PDE1A: variants seen among roughly 807,000 people sequenced by gnomAD.
PDE1A encodes phosphodiesterase 1A.
PDE1A carries 35 observed loss-of-function variants against 61.7 expected under a neutral mutation model. The ratio of observed to expected loss-of-function variants is 0.57; its 90% CI spans 0.43 to 0.75. The LOEUF (loss-of-function observed/expected upper bound fraction) is 0.75, where lower values mean the gene tolerates loss of function less well. Ranked by LOEUF, PDE1A falls within the 30% of genes least tolerant of loss-of-function variation. The pLI is 0.00. For synonymous variants in PDE1A, 232 were observed against 213.2 expected (o/e 1.09, Z -0.77); for missense variants, 597 against 630.6 (o/e 0.95, Z 0.57).
At chr2:182,490,563 C>T (rs577483749) in intron 2 of PDE1A, among the ~76,000 whole-genome samples, 31 of 151,764 alleles carry the variant, frequency 2.0e-4, no homozygotes, top group African/African-American at 6.0e-4. Context: ...TTAGTGAAGA[C>T]GGAGTTTCAC....
intron 8 of PDE1A, among the ~76,000 whole-genome samples, chr2:182,203,167 A>T (rs1686808278): frequency 6.6e-6 from 1 of 152,108 alleles, no homozygotes; most frequent in Non-Finnish European, 1.5e-5. Flanking sequence ...TACAAAAAAA[A>T]AAATTAGCCA....
At chr2:182,289,496 T>C (rs888856232) in intron 1 of PDE1A, among the ~76,000 whole-genome samples, 1 of 152,140 alleles carries the variant, frequency 6.6e-6, no homozygotes, top group Non-Finnish European at 1.5e-5. Flanking sequence ...ATATTTTAAC[T>C]AGGGCTAGAC....
intron 2 of PDE1A, among the ~76,000 whole-genome samples, chr2:182,250,807 A>G (rs996843303): frequency 6.6e-6 from 1 of 152,166 alleles, no homozygotes; most frequent in African/African-American, 2.4e-5. Context: ...TCTCCAAGGT[A>G]AGACCTACGG....
chr2:182,195,312 T>C (rs1028496712), intron 10 of PDE1A, among the ~76,000 whole-genome samples: 1 of 152,028 alleles, frequency 6.6e-6, no homozygotes, highest in African/African-American at 2.4e-5. Flanking sequence ...CTTACTTTTG[T>C]TCTATCACTT....
At chr2:182,179,031 G>A (rs1684526658) in intron 13 of PDE1A, among the ~76,000 whole-genome samples, 1 of 151,992 alleles carries the variant, frequency 6.6e-6, no homozygotes, top group Admixed American at 6.6e-5. Context: ...AGGAAAGAGA[G>A]GTCAGAAACC....
chr2:182,536,357 ACTTT>A, the PDE1A span, among the ~76,000 whole-genome samples: 11 of 152,310 alleles, frequency 7.2e-5, no homozygotes, highest in Non-Finnish European at 1.3e-4. Context: ...ATATTATAAA[ACTTT>A]CTTTCATCTC....
the PDE1A span, among the ~76,000 whole-genome samples, chr2:182,657,589 G>A: frequency 2.0e-5 from 3 of 152,210 alleles, no homozygotes; most frequent in Middle Eastern, 0.01. Flanking sequence ...GTCTTAAGCT[G>A]TAGAGCTTCT....
chr2:182,451,493 TA>T (rs1289438734), intron 2 of PDE1A, among the ~76,000 whole-genome samples: 2 of 152,164 alleles, frequency 1.3e-5, no homozygotes, highest in African/African-American at 4.8e-5. Flanking sequence ...TTTCTGTTAT[TA>T]ACTGGCATCA....
At chr2:182,556,212 A>G in the PDE1A span, among the ~76,000 whole-genome samples, 2 of 152,142 alleles carry the variant, frequency 1.3e-5, no homozygotes, top group Non-Finnish European at 2.9e-5. Context: ...ATGGAGCAAG[A>G]AAAACCTTTG....
intron 2 of PDE1A, among the ~76,000 whole-genome samples, chr2:182,456,702 T>C (rs1214364435): frequency 6.6e-6 from 1 of 152,014 alleles, no homozygotes; most frequent in Non-Finnish European, 1.5e-5. Context: ...CTCTGGGAAA[T>C]TTTAAACTAC....
chr2:182,273,161 T>C (rs1468538140), intron 1 of PDE1A, among the ~76,000 whole-genome samples: 2 of 152,074 alleles, frequency 1.3e-5, no homozygotes, highest in Admixed American at 6.6e-5. Flanking sequence ...TTCTGGGGAA[T>C]TGACTGATAT....
the PDE1A span, among the ~76,000 whole-genome samples, chr2:182,696,278 C>A: frequency 6.6e-6 from 1 of 152,124 alleles, no homozygotes; most frequent in Non-Finnish European, 1.5e-5. Context: ...ATATTATTTA[C>A]TGCTTAAAGG....
chr2:182,260,678 TC>T (rs1443405918), intron 2 of PDE1A, among the ~76,000 whole-genome samples: 2 of 152,108 alleles, frequency 1.3e-5, no homozygotes, highest in Non-Finnish European at 2.9e-5. Flanking sequence ...GTGTGGATAC[TC>T]CCACGGTAGC....
chr2:182,211,615 C>A (rs1047629110), intron 7 of PDE1A, among the ~76,000 whole-genome samples: 1 of 152,180 alleles, frequency 6.6e-6, no homozygotes. Context: ...GAAGAACTGA[C>A]ATCCTGACAA....
chr2:182,446,455 T>C (rs1358410321), intron 2 of PDE1A, among the ~76,000 whole-genome samples: 2 of 152,116 alleles, frequency 1.3e-5, no homozygotes, highest in Non-Finnish European at 2.9e-5. Context: ...TTAAATTGAG[T>C]GCAGTCTCCT....
the PDE1A span, among the ~76,000 whole-genome samples, chr2:182,586,700 C>T: frequency 6.6e-6 from 1 of 152,126 alleles, no homozygotes; most frequent in Non-Finnish European, 1.5e-5. Context: ...CAATCAAAAA[C>T]GTCTTCAGAC....
At chr2:182,603,378 A>T in the PDE1A span, among the ~76,000 whole-genome samples, 2 of 152,096 alleles carry the variant, frequency 1.3e-5, no homozygotes, top group Non-Finnish European at 2.9e-5. Flanking sequence ...ATGAAGTCTC[A>T]TTCTTTTGCC....
At chr2:182,176,416 G>T (rs1450790894) in intron 13 of PDE1A, among the ~76,000 whole-genome samples, 1 of 147,266 alleles carries the variant, frequency 6.8e-6, no homozygotes, top group Non-Finnish European at 1.5e-5. Context: ...TTGTAAGTTG[G>T]ATTCCTAGGT....
intron 13 of PDE1A, among the ~76,000 whole-genome samples, chr2:182,177,876 T>C (rs938224975): frequency 6.6e-6 from 1 of 152,196 alleles, no homozygotes; most frequent in Non-Finnish European, 1.5e-5. Context: ...ATTAAATCAC[T>C]TAAATTCAAA....
Sources: allele counts gnomAD v4.1 joint callset (sites outside exome capture counted in the v4.1 genomes callset), GRCh38; gene constraint gnomAD v4.1.1; transcripts MANE v1.5; gene names NCBI Gene and HGNC (gene_info 2026-07-23, HGNC 2026-07-21).